The following SLC12A7 variants were observed in gnomAD, a reference collection of about 807,000 sequenced individuals.
The protein encoded by SLC12A7 is solute carrier family 12 member 7, also known as K-Cl cotransporter 4.
A neutral mutation model predicts 120.6 loss-of-function variants in SLC12A7; 100 were observed. The ratio of observed to expected loss-of-function variants is 0.83; its 90% CI spans 0.71 to 0.98. The LOEUF (loss-of-function observed/expected upper bound fraction) is 0.98, where lower values mean the gene tolerates loss of function less well. Ranked by LOEUF, SLC12A7 falls within the 50% of genes least tolerant of loss-of-function variation. SLC12A7 has a pLI of 0.00. For missense variants in SLC12A7, 1,373 were observed against 1,548.1 expected, an observed-to-expected ratio of 0.89 and a Z score of 1.90; for synonymous variants, 760 against 678.0, an observed-to-expected ratio of 1.12 and a Z score of -1.88.
intron 7 of SLC12A7, 67 bp downstream of exon 7, chr5:1,085,165 G>T: frequency 1.3e-6 from 2 of 1,574,276 alleles, no homozygotes; most frequent in South Asian, 1.2e-5. Flanking sequence ...GACGAGAGGC[G>T]GGCAGAGCCC....
the SLC12A7 span, among the ~76,000 whole-genome samples, chr5:1,134,130 C>T: frequency 6.3e-4 from 96 of 152,188 alleles, no homozygotes; most frequent in Non-Finnish European, 1.2e-3. Context: ...GGTGGCTCTC[C>T]CAGCTCCAGC....
chr5:1,123,531 T>A, the SLC12A7 span, among the ~76,000 whole-genome samples: 1 of 152,176 alleles, frequency 6.6e-6, no homozygotes, highest in Non-Finnish European at 1.5e-5. Flanking sequence ...GATAAATGAA[T>A]AAAGCTGCCC....
chr5:1,139,646 C>T, the SLC12A7 span, among the ~76,000 whole-genome samples: 9 of 152,250 alleles, frequency 5.9e-5, no homozygotes, highest in Admixed American at 2.0e-4. Flanking sequence ...CCTCTGTAGG[C>T]GTCCGCACAG....
chr5:1,088,232 C>T lies in SLC12A7; in HGVS notation c.544+74G>A, dbSNP rs937829181. ...CGGCCCGGCCTCGCCAAGCGGCCTC[C>T]TCGCGGTTGCCGTGCGGCAAAACAC... On this transcript the variant is annotated intron_variant, in intron 5 of 23. Transcript: ENST00000264930. 2.0e-5 allele frequency: 30 copies of T among 1,498,182 alleles called. No individual in the cohort carries two copies. In the East Asian group the frequency reaches 2.5e-4, roughly 12 times the overall value. 92.8% of individuals were successfully genotyped at this position (1,498,182 alleles called of 1,614,324 possible). A position where few individuals can be genotyped will look rare whatever the true frequency, so the allele number is the denominator to read the frequency against.
intron 7 of SLC12A7, among the ~76,000 whole-genome samples, 195 bp downstream of exon 7, chr5:1,085,037 G>C (rs1739660107): frequency 6.6e-6 from 1 of 152,224 alleles, no homozygotes; most frequent in Admixed American, 6.5e-5. Context: ...GGCCACGAGG[G>C]TACCTCGGCC....
At chr5:1,155,741 G>T in the SLC12A7 span, among the ~76,000 whole-genome samples, 1 of 150,936 alleles carries the variant, frequency 6.6e-6, no homozygotes, top group Non-Finnish European at 1.5e-5. Context: ...GCTCGGGCGC[G>T]GCTGCGGGGT....
chr5:1,091,520 C>T (rs1740494929), intron 3 of SLC12A7, among the ~76,000 whole-genome samples: 1 of 152,196 alleles, frequency 6.6e-6, no homozygotes, highest in South Asian at 2.1e-4. Flanking sequence ...AGCACACAGG[C>T]GGACAGACAG....
At chr5:1,066,767 G>GC (rs1278696883) in intron 17 of SLC12A7, among the ~76,000 whole-genome samples, 1 of 152,160 alleles carries the variant, frequency 6.6e-6, no homozygotes, top group Non-Finnish European at 1.5e-5. Flanking sequence ...GCCCAGGGTC[G>GC]CCCGGGGGCC....
chr5:1,076,943 C>T lies in SLC12A7; in HGVS notation c.1630-131G>A, dbSNP rs1738417537. ...AGCAGAAACGCCTTTCACAGTAGGT[C>T]CCCGGGACATCACGCGGCTGGCCTG... On this transcript the variant is annotated intron_variant, in intron 12 of 23. Coordinates refer to ENST00000264930, the MANE Select transcript of SLC12A7 (RefSeq NM_006598.3). 1.5e-5 allele frequency: 10 copies of T among 686,148 alleles called. No individual in the cohort carries two copies. In the South Asian group the frequency reaches 1.7e-4, roughly 11 times the overall value. 42.5% of individuals were successfully genotyped at this position (686,148 alleles called of 1,614,324 possible). A position where few individuals can be genotyped will look rare whatever the true frequency, so the allele number is the denominator to read the frequency against.
chr5:1,083,497 A>G (rs1739451382), intron 8 of SLC12A7, among the ~76,000 whole-genome samples: 2 of 152,202 alleles, frequency 1.3e-5, no homozygotes, highest in Non-Finnish European at 2.9e-5. Flanking sequence ...AAATAAATCC[A>G]TAGCATTAAG....
At chr5:1,097,761 T>C (rs981781566) in intron 1 of SLC12A7, among the ~76,000 whole-genome samples, 2 of 152,124 alleles carry the variant, frequency 1.3e-5, no homozygotes, top group African/African-American at 2.4e-5. Context: ...CATGTGAGCG[T>C]GTGTTCAGCC....
At chr5:1,124,791 G>T in the SLC12A7 span, among the ~76,000 whole-genome samples, 2 of 152,152 alleles carry the variant, frequency 1.3e-5, no homozygotes, top group African/African-American at 2.4e-5. Context: ...AGAAAACGGA[G>T]TAATAAAAAA....
intron 21 of SLC12A7, among the ~76,000 whole-genome samples, chr5:1,059,666 G>C (rs965099757): frequency 6.6e-6 from 1 of 151,386 alleles, no homozygotes; most frequent in East Asian, 1.9e-4. Flanking sequence ...GATACACCCA[G>C]ACGTCCTCAG....
chr5:1,136,457 G>A, the SLC12A7 span, among the ~76,000 whole-genome samples: 1 of 124,412 alleles, frequency 8.0e-6, no homozygotes. Flanking sequence ...AGGACACGCA[G>A]GCACACGTGT....
chr5:1,136,506 G>A, the SLC12A7 span, among the ~76,000 whole-genome samples: 2 of 124,502 alleles, frequency 1.6e-5, no homozygotes, highest in African/African-American at 7.4e-5. Context: ...GCACACACGT[G>A]GTCAGACACC....
intron 16 of SLC12A7, 71 bp downstream of exon 16, chr5:1,074,496 C>T: frequency 2.1e-6 from 3 of 1,400,818 alleles, no homozygotes; most frequent in Non-Finnish European, 3.0e-6. Context: ...TCAAAGGTCC[C>T]CACTCAAAGG....
chr5:1,083,863 C>G lies in SLC12A7; in HGVS notation c.1011G>C (p.Ala337=). Residue 337 remains alanine, a synonymous_variant, in exon 8 of 24, where the codon GCG becomes GCC. Transcript: ENST00000264930. ...YGIHNNSATS[A]LWGLFCNGSQ... is the part of the protein sequence containing the mutation. ...AGCCGTTGCAGAAGAGGCCCCAGAG[C>G]GCGGAGGTGGCTGAGTTGTTGTGGA... is the stretch of plus-strand genomic sequence containing the variant. 6.2e-7 allele frequency: 1 copy of G among 1,607,768 alleles called. No homozygotes were observed. Among genetic ancestry groups the G allele is most frequent in the Non-Finnish European group, 8.5e-7 (1 of 1,177,132 alleles).
intron 21 of SLC12A7, among the ~76,000 whole-genome samples, chr5:1,058,891 A>AT (rs1735898499): frequency 5.4e-5 from 1 of 18,356 alleles, no homozygotes; most frequent in Non-Finnish European, 7.5e-4. Flanking sequence ...GCTCATCCAA[A>AT]CCCTTCTGCA....
chr5:1,115,180 G>C (rs890557528), upstream of SLC12A7, among the ~76,000 whole-genome samples: 1 of 152,222 alleles, frequency 6.6e-6, no homozygotes, highest in Non-Finnish European at 1.5e-5. Context: ...ATCTGCGATG[G>C]CCTCTTGGCC....
Sources: gnomAD v4.1 joint callset for allele counts (sites outside exome capture counted in the v4.1 genomes callset) on GRCh38, gnomAD v4.1.1 for gene constraint, MANE v1.5 for transcripts, NCBI Gene and HGNC (gene_info 2026-07-23, HGNC 2026-07-21) for gene names.